TGFBR2: variants seen among roughly 807,000 people sequenced by gnomAD.
TGFBR2 encodes TGF-beta receptor type-2.
TGFBR2 carries 18 observed loss-of-function variants against 49.0 expected under a neutral mutation model. The observed-to-expected ratio is 0.37, with a 90% confidence interval of 0.25 to 0.54. The LOEUF (loss-of-function observed/expected upper bound fraction) is 0.54. Among genes scored for constraint, TGFBR2 ranks in the 20% least tolerant of loss-of-function variants. The pLI, the probability that TGFBR2 is intolerant of heterozygous loss-of-function variation, is 0.85. For synonymous variants in TGFBR2, 282 were observed against 275.9 expected, an observed-to-expected ratio of 1.02 and a Z score of -0.22; for missense variants, 525 against 722.6, an observed-to-expected ratio of 0.73 and a Z score of 3.13.
chr3:30,623,084 T>C, intron 1 of TGFBR2: 2 of 687,810 alleles, frequency 2.9e-6, no homozygotes, highest in Non-Finnish European at 5.2e-6. Context: ...TAATAATCTT[T>C]TAATAATCTC....
chr3:30,651,696 T>C (rs528070729), intron 3 of TGFBR2, among the ~76,000 whole-genome samples: 1 of 152,258 alleles, frequency 6.6e-6, no homozygotes, highest in Admixed American at 6.5e-5. Context: ...CTAATATTTC[T>C]GCAAGGCAGA....
At chr3:30,641,519 T>G (rs1164489012) in intron 1 of TGFBR2, among the ~76,000 whole-genome samples, 1 of 152,098 alleles carries the variant, frequency 6.6e-6, no homozygotes, top group East Asian at 1.9e-4. Flanking sequence ...TACAGGCTTT[T>G]GAAAAAAAAT....
At chr3:30,685,212 C>A (rs1188156033) in intron 5 of TGFBR2, among the ~76,000 whole-genome samples, 3 of 152,160 alleles carry the variant, frequency 2.0e-5, no homozygotes, top group Non-Finnish European at 4.4e-5. Flanking sequence ...TGAAAGCTTT[C>A]TAGAAAGGTA....
intron 1 of TGFBR2, among the ~76,000 whole-genome samples, chr3:30,611,107 A>G (rs573116320): frequency 1.6e-4 from 25 of 152,226 alleles, no homozygotes; most frequent in Admixed American, 3.9e-4. Context: ...CCAAAGTCAT[A>G]TCTTTACGTA....
intron 1 of TGFBR2, among the ~76,000 whole-genome samples, chr3:30,622,271 T>C (rs1002721098): frequency 2.0e-5 from 3 of 152,174 alleles, no homozygotes; most frequent in African/African-American, 4.8e-5. Context: ...CTAACTTCAC[T>C]CTTGTGCTCT....
Position 30,639,020 on chromosome 3 carries a change from G to C in TGFBR2, c.95-5727G>C, listed in dbSNP as rs563147330. 4.6e-5 allele frequency among the ~76,000 whole-genome samples: 7 copies of C among 152,318 alleles called. No individual in the cohort carries two copies. In the South Asian group the frequency reaches 1.4e-3, roughly 32 times the overall value. ...TATGGTGATCAGGGCCTCTGGGTTT[G>C]CAATCATTTAAGAGGTCAGGCTCAA... On this transcript the variant is annotated intron_variant, in intron 1 of 6. Coordinates refer to ENST00000295754, the MANE Select transcript of TGFBR2 (RefSeq NM_003242.6).
At chr3:30,679,259 G>T (rs147947006) in intron 5 of TGFBR2, among the ~76,000 whole-genome samples, 43 of 152,280 alleles carry the variant, frequency 2.8e-4, no homozygotes, top group African/African-American at 8.4e-4. Flanking sequence ...GCAGTGTTAT[G>T]GTCAGGGAAT....
intron 2 of TGFBR2, among the ~76,000 whole-genome samples, chr3:30,646,995 G>C (rs1461946556): frequency 2.0e-5 from 3 of 152,154 alleles, no homozygotes; most frequent in Non-Finnish European, 2.9e-5. Flanking sequence ...ATTTTGACCT[G>C]TGCTGGCCAA....
chr3:30,628,523 T>G, intron 1 of TGFBR2, among the ~76,000 whole-genome samples: 3 of 134,558 alleles, frequency 2.2e-5, no homozygotes, highest in South Asian at 4.8e-4. Context: ...TGAAAAAGCC[T>G]GTGGGTTTTT....
intron 1 of TGFBR2, 132 bp downstream of exon 1, chr3:30,607,109 C>A: frequency 1.4e-6 from 1 of 706,992 alleles, no homozygotes; most frequent in Non-Finnish European, 2.4e-6. Context: ...TCCCCCGCGA[C>A]ACTCACGCAG....
Position 30,691,795 on chromosome 3 carries a change from T to C in TGFBR2, c.*196T>C. The C allele has an allele frequency of 1.6e-6, 1 of 617,128 alleles. No homozygotes were observed. The highest frequency in any genetic ancestry group is 2.9e-6 in the Non-Finnish European group (1 of 345,096). 38.2% of individuals were successfully genotyped at this position (617,128 alleles called of 1,614,324 possible). ...CATAGAGCATTCTATGCCTTTGACA[T>C]TGTCATAGGATAAGCTGTGTTAGCA... On this transcript the variant is annotated 3_prime_UTR_variant, in exon 7 of 7. Coordinates refer to ENST00000295754, the MANE Select transcript of TGFBR2 (RefSeq NM_003242.6).
chr3:30,664,722 G>T (rs1699214382), intron 3 of TGFBR2, among the ~76,000 whole-genome samples: 1 of 152,220 alleles, frequency 6.6e-6, no homozygotes, highest in African/African-American at 2.4e-5. Flanking sequence ...TATGTCCTTT[G>T]TTATGCCGAC....
intron 1 of TGFBR2, among the ~76,000 whole-genome samples, chr3:30,644,305 C>T (rs953502963): frequency 1.3e-5 from 2 of 152,188 alleles, no homozygotes; most frequent in East Asian, 1.9e-4. Context: ...GCCTGGCTCC[C>T]ACATCCTCTG....
At position 30,606,758 on chromosome 3, in the gene TGFBR2, C is replaced by G. The variant is rs556854818; in HGVS notation, c.-126C>G. ...GCGAGCGGGCGCCACATCTGGCCCG[C>G]ACATCTGCGCTGCCGGCCCGGCGCG... On this transcript the variant is annotated 5_prime_UTR_variant, in exon 1 of 7. Coordinates refer to ENST00000295754, the MANE Select transcript of TGFBR2 (RefSeq NM_003242.6). 4.6e-6 allele frequency: 3 copies of G among 653,408 alleles called. No homozygotes were observed. Among genetic ancestry groups the G allele is most frequent in the Non-Finnish European group, 6.7e-6 (3 of 449,746 alleles). The allele number at this position is 653,408 out of a possible 1,614,324, so 40.5% of individuals were successfully genotyped here.
chr3:30,615,084 G>A (rs557110429), intron 1 of TGFBR2, among the ~76,000 whole-genome samples: 2 of 152,296 alleles, frequency 1.3e-5, no homozygotes, highest in East Asian at 3.9e-4. Context: ...TATACCTCAA[G>A]TGATACAGTC....
At chr3:30,687,487 G>T (rs1165293386) in intron 5 of TGFBR2, among the ~76,000 whole-genome samples, 3 of 152,062 alleles carry the variant, frequency 2.0e-5, no homozygotes, top group Non-Finnish European at 4.4e-5. Flanking sequence ...GCCTCCTAAA[G>T]TGCTGGGATT....
chr3:30,665,162 A>G (rs1223179368), intron 3 of TGFBR2, among the ~76,000 whole-genome samples: 1 of 152,226 alleles, frequency 6.6e-6, no homozygotes, highest in Non-Finnish European at 1.5e-5. Flanking sequence ...GCGAGAGTAT[A>G]TATGCAACTG....
intron 3 of TGFBR2, among the ~76,000 whole-genome samples, chr3:30,658,450 CA>C (rs560675806): frequency 1.2e-3 from 181 of 152,020 alleles, no homozygotes; most frequent in Middle Eastern, 6.8e-3. Context: ...GTAAATAAAT[CA>C]ATTATATCTT....
At chr3:30,646,936 C>T (rs1016375988) in intron 2 of TGFBR2, among the ~76,000 whole-genome samples, 16 of 152,178 alleles carry the variant, frequency 1.1e-4, no homozygotes, top group Admixed American at 5.2e-4. Flanking sequence ...GAGGAGGCCT[C>T]CCTGTCTTTT....
Sources: gnomAD v4.1 joint callset for allele counts (sites outside exome capture counted in the v4.1 genomes callset) on GRCh38, gnomAD v4.1.1 for gene constraint, MANE v1.5 for transcripts, NCBI Gene and HGNC (gene_info 2026-07-23, HGNC 2026-07-21) for gene names.